The following GLIS3 variants were observed in gnomAD, a reference collection of about 807,000 sequenced individuals.
The protein encoded by GLIS3 is GLIS family zinc finger 3.
Under a neutral mutation model 78.6 loss-of-function variants are expected in GLIS3, and 53 were observed. The observed-to-expected ratio is 0.67, with a 90% confidence interval of 0.54 to 0.85. The LOEUF (loss-of-function observed/expected upper bound fraction) is 0.85, where lower values mean the gene tolerates loss of function less well. Among genes scored for constraint, GLIS3 ranks in the 40% least tolerant of loss-of-function variants. GLIS3 has a pLI of 0.00. For synonymous variants in GLIS3, 684 were observed against 509.9 expected (o/e 1.34, Z -4.60); for missense variants, 1,703 against 1,231.1 (o/e 1.38, Z -5.74).
At chr9:4,008,314 C>T (rs1030252509) in intron 4 of GLIS3, among the ~76,000 whole-genome samples, 6 of 152,140 alleles carry the variant, frequency 3.9e-5, no homozygotes, top group African/African-American at 1.4e-4. Context: ...AGTCTGGCAT[C>T]TCAGGCAGGC....
intron 4 of GLIS3, among the ~76,000 whole-genome samples, chr9:3,943,644 G>GT (rs1331990147): frequency 6.6e-6 from 1 of 152,190 alleles, no homozygotes; most frequent in Non-Finnish European, 1.5e-5. Context: ...AAGGTTCCAA[G>GT]TATCTAAATA....
chr9:4,368,532 T>C, the GLIS3 span, among the ~76,000 whole-genome samples: 1,222 of 152,246 alleles, frequency 8.0e-3, 17 homozygotes, highest in African/African-American at 0.028. Flanking sequence ...TTTATATTTT[T>C]ACTAGAGACG....
chr9:4,227,028 C>T (rs1230815612), intron 2 of GLIS3, among the ~76,000 whole-genome samples: 1 of 152,160 alleles, frequency 6.6e-6, no homozygotes, highest in Non-Finnish European at 1.5e-5. Flanking sequence ...AACAAGAGTT[C>T]TTGCATGCAA....
chr9:4,449,248 T>A, the GLIS3 span, among the ~76,000 whole-genome samples: 4 of 152,312 alleles, frequency 2.6e-5, no homozygotes, highest in East Asian at 7.7e-4. Flanking sequence ...AACCTGCGAA[T>A]CAGCAGCCTG....
chr9:4,033,625 C>G (rs1824045450), intron 4 of GLIS3, among the ~76,000 whole-genome samples: 1 of 152,054 alleles, frequency 6.6e-6, no homozygotes, highest in Admixed American at 6.5e-5. Context: ...AATGGAGAAT[C>G]CTAGGCTCCA....
At chr9:3,949,808 G>A (rs1032196199) in intron 4 of GLIS3, among the ~76,000 whole-genome samples, 7 of 152,110 alleles carry the variant, frequency 4.6e-5, no homozygotes, top group African/African-American at 1.4e-4. Context: ...AAAATGCCTC[G>A]AGAAAGAGAA....
In GLIS3 at chr9:4,069,166, G is replaced by A. The variant is rs548435588; in HGVS notation, c.1710+48602C>T. Among the ~76,000 whole-genome samples, 5 of 152,326 alleles carry A rather than the reference G, an allele frequency of 3.3e-5. No homozygotes were observed. In the South Asian group the frequency reaches 1.0e-3, roughly 32 times the overall value. ...TGTTGAATATGTAGGAACCTGCCGA[G>A]CAGAGGAGATTTCTAAGATACTGGC... is the stretch of plus-strand genomic sequence containing the variant. On this transcript the variant is annotated intron_variant, in intron 4 of 10. Coordinates refer to ENST00000381971, the MANE Select transcript of GLIS3 (RefSeq NM_001042413.2).
intron 4 of GLIS3, among the ~76,000 whole-genome samples, chr9:4,000,477 T>C (rs1349783470): frequency 6.6e-6 from 1 of 152,144 alleles, no homozygotes; most frequent in Non-Finnish European, 1.5e-5. Context: ...ATCAGTGTTA[T>C]TTTATTTATT....
At chr9:4,380,134 T>C in the GLIS3 span, among the ~76,000 whole-genome samples, 7 of 152,360 alleles carry the variant, frequency 4.6e-5, no homozygotes, top group South Asian at 1.4e-3. Context: ...CTAGAAGGCA[T>C]CTTGGCTGTA....
chr9:4,289,832 CT>C lies in GLIS3; in HGVS notation c.-98-3310del, dbSNP rs139119136. Among the ~76,000 whole-genome samples, 889 of 152,150 alleles carry C rather than the reference CT, an allele frequency of 5.8e-3. 14 individuals are homozygous for C. Among genetic ancestry groups the C allele is most frequent in the African/African-American group, 0.02 (825 of 41,516 alleles). ...CAGCATGAAAGTTAATAAATCTTTC[CT>C]TTTGACCACTTTCAAACTCTTTGAA... On this transcript the variant is annotated intron_variant, in intron 1 of 10. Transcript: ENST00000381971.
intron 4 of GLIS3, among the ~76,000 whole-genome samples, chr9:4,093,190 A>T (rs1021978672): frequency 2.0e-5 from 3 of 152,180 alleles, no homozygotes; most frequent in African/African-American, 7.2e-5. Flanking sequence ...TGTAAGTGGC[A>T]GAGTCATGAT....
intron 4 of GLIS3, among the ~76,000 whole-genome samples, chr9:4,096,009 C>CAAAAAA (rs34499061): frequency 1.9e-5 from 2 of 103,518 alleles, no homozygotes; most frequent in Admixed American, 1.0e-4. Context: ...GTAACCTATA[C>CAAAAAA]AAAAAAAAAA....
In GLIS3 at chr9:4,243,796, C is replaced by G. The variant is rs910365002; in HGVS notation, c.388+42242G>C. ...TGAAGGTGGGAGGCTAAACAGCTGT[C>G]GAGTTTGTAACTACCACAATGATTT... On this transcript the variant is annotated intron_variant, in intron 2 of 10. Transcript: ENST00000381971. 5.9e-5 allele frequency among the ~76,000 whole-genome samples: 9 copies of G among 152,236 alleles called. No individual in the cohort carries two copies. The South Asian group carries it at 1.2e-3, about 21-fold the overall frequency.
At position 4,214,754 on chromosome 9, in the gene GLIS3, C is replaced by G. The variant is rs1482154723; in HGVS notation, c.388+71284G>C. Among the ~76,000 whole-genome samples, 3 of 152,302 alleles carry G rather than the reference C, an allele frequency of 2.0e-5. No individual in the cohort carries two copies. The East Asian group carries it at 5.8e-4, about 29-fold the overall frequency. On this transcript the variant is annotated intron_variant, in intron 2 of 10. Coordinates refer to ENST00000381971, the MANE Select transcript of GLIS3 (RefSeq NM_001042413.2). ...TTGGATAAAATGAAATTTTCCTTAG[C>G]TACTGTGGCTTGTTACACCATTGAG...
chr9:4,432,932 G>C, the GLIS3 span, among the ~76,000 whole-genome samples: 1 of 152,218 alleles, frequency 6.6e-6, no homozygotes, highest in South Asian at 2.1e-4. Flanking sequence ...ACAGGTGTGA[G>C]CTACCACACC....
At chr9:3,868,470 TG>T (rs2130364596) in intron 8 of GLIS3, among the ~76,000 whole-genome samples, 1 of 152,288 alleles carries the variant, frequency 6.6e-6, no homozygotes, top group Non-Finnish European at 1.5e-5. Context: ...TCTTTACAAA[TG>T]GTATTAAAAA....
intron 4 of GLIS3, among the ~76,000 whole-genome samples, chr9:4,079,079 G>C (rs1192765551): frequency 1.3e-5 from 2 of 152,164 alleles, no homozygotes. Context: ...TACTAAAGGA[G>C]GGTTTCCTGC....
At chr9:4,307,123 G>C (rs1178970280) in intron 4 of GLIS3, among the ~76,000 whole-genome samples, 1 of 152,206 alleles carries the variant, frequency 6.6e-6, no homozygotes, top group African/African-American at 2.4e-5. Flanking sequence ...GCTGAGCAAA[G>C]TACGTAAGAT....
the GLIS3 span, among the ~76,000 whole-genome samples, chr9:4,390,144 A>G: frequency 6.6e-6 from 1 of 152,258 alleles, no homozygotes; most frequent in African/African-American, 2.4e-5. Context: ...AAAGATCATG[A>G]CATGTTTGAA....
Sources: gnomAD v4.1 joint callset for allele counts (sites outside exome capture counted in the v4.1 genomes callset) on GRCh38, gnomAD v4.1.1 for gene constraint, MANE v1.5 for transcripts, NCBI Gene and HGNC (gene_info 2026-07-23, HGNC 2026-07-21) for gene names.